Variants in MSRA observed in about 807,000 individuals in gnomAD.
MSRA encodes mitochondrial peptide methionine sulfoxide reductase.
In MSRA, 54 loss-of-function variants were observed where a neutral mutation model predicts 31.3. The ratio of observed to expected loss-of-function variants is 1.73; its 90% confidence interval spans 1.39 to 2.17. The LOEUF is 2.17. MSRA is among the 30% of genes most tolerant of loss of function. The probability of loss-of-function intolerance (pLI) is 0.00; values close to 1 mark genes in which losing one functional copy is unlikely to be tolerated. For synonymous variants in MSRA, 169 were observed against 116.5 expected (o/e 1.45, Z -2.90); for missense variants, 507 against 300.9 (o/e 1.69, Z -5.07).
chr8:10,238,098 C>G (rs969906970), intron 2 of MSRA, among the ~76,000 whole-genome samples: 3 of 152,210 alleles, frequency 2.0e-5, no homozygotes, highest in African/African-American at 7.2e-5. Flanking sequence ...TGTCCTGCTA[C>G]TTCCTCCTTG....
chr8:10,255,455 C>T (rs1210474044), intron 3 of MSRA, among the ~76,000 whole-genome samples: 1 of 152,182 alleles, frequency 6.6e-6, no homozygotes, highest in African/African-American at 2.4e-5. Flanking sequence ...CAGCCTGATT[C>T]CCTGAGTGAA....
chr8:10,224,191 G>T (rs13278458), intron 2 of MSRA, among the ~76,000 whole-genome samples: 70,399 of 152,016 alleles, frequency 0.46, 20,302 homozygotes, highest in Non-Finnish European at 0.63. Context: ...TCTTTTTGTG[G>T]TTATCTGGTG....
At position 10,148,833 on chromosome 8, in the gene MSRA, A is replaced by G. The variant is rs867603672; in HGVS notation, c.143-59000A>G. ...AAAAAAAAAGGAAACTCTGTCTCAA[A>G]AAAAAAAAAAATCATAACTTGTTGA... On this transcript the variant is annotated intron_variant, in intron 1 of 5. Transcript: ENST00000317173. Among the ~76,000 whole-genome samples, 176 of 146,226 alleles carry G rather than the reference A, an allele frequency of 1.2e-3. 3 individuals are homozygous for G. Among genetic ancestry groups the G allele is most frequent in the African/African-American group, 4.0e-3 (164 of 40,780 alleles).
chr8:10,392,427 G>A (rs1351239841), intron 5 of MSRA, among the ~76,000 whole-genome samples: 9 of 152,260 alleles, frequency 5.9e-5, no homozygotes, highest in Non-Finnish European at 2.9e-5. Context: ...TCAAGGCTGG[G>A]CACTGAGTCC....
At chr8:10,056,624 AT>A (rs1190260703) in intron 1 of MSRA, among the ~76,000 whole-genome samples, 1 of 151,212 alleles carries the variant, frequency 6.6e-6, no homozygotes, top group East Asian at 1.9e-4. Flanking sequence ...TGAAATTTAG[AT>A]TGTGGACGTT....
intron 1 of MSRA, among the ~76,000 whole-genome samples, chr8:10,106,167 C>A (rs1316257928): frequency 6.6e-6 from 1 of 152,140 alleles, no homozygotes; most frequent in East Asian, 1.9e-4. Context: ...GGCTTGCAAA[C>A]CCAAACGTGG....
At chr8:10,344,427 A>T (rs1403641169) in intron 5 of MSRA, among the ~76,000 whole-genome samples, 3 of 151,872 alleles carry the variant, frequency 2.0e-5, no homozygotes, top group African/African-American at 7.3e-5. Context: ...TACAAAAATT[A>T]GACAGGCGTG....
intron 5 of MSRA, among the ~76,000 whole-genome samples, chr8:10,390,234 C>G (rs981130053): frequency 6.6e-6 from 1 of 152,108 alleles, no homozygotes; most frequent in Non-Finnish European, 1.5e-5. Flanking sequence ...ATGGGGCCTC[C>G]GTGGGGCAGG....
chr8:10,250,899 T>TA (rs145775386), intron 3 of MSRA: 46,866 of 154,118 alleles, frequency 0.3, 7,308 homozygotes, highest in Admixed American at 0.38. Flanking sequence ...ATGATAAAAA[T>TA]AAAAAAAATT....
intron 5 of MSRA, among the ~76,000 whole-genome samples, chr8:10,338,813 C>T (rs142145292): frequency 6.6e-6 from 1 of 152,146 alleles, no homozygotes; most frequent in African/African-American, 2.4e-5. Context: ...AATTTCCTAA[C>T]CTGCAAAACT....
intron 5 of MSRA, among the ~76,000 whole-genome samples, chr8:10,340,282 G>T (rs1265302398): frequency 6.6e-6 from 1 of 151,890 alleles, no homozygotes; most frequent in East Asian, 1.9e-4. Flanking sequence ...TACCACCAGG[G>T]TATTGAACTA....
intron 2 of MSRA, among the ~76,000 whole-genome samples, chr8:10,242,608 T>C (rs1352465453): frequency 6.6e-6 from 1 of 152,184 alleles, no homozygotes; most frequent in Non-Finnish European, 1.5e-5. Context: ...AAAATAAGTA[T>C]TTAAAGAAAA....
chr8:10,104,726 T>C (rs1799767199), intron 1 of MSRA, among the ~76,000 whole-genome samples: 1 of 152,168 alleles, frequency 6.6e-6, no homozygotes, highest in African/African-American at 2.4e-5. Flanking sequence ...TTTTCCTGAA[T>C]TCCAAAAGGG....
chr8:10,079,499 G>A (rs1050638620), intron 1 of MSRA, among the ~76,000 whole-genome samples: 27 of 152,120 alleles, frequency 1.8e-4, no homozygotes, highest in African/African-American at 5.8e-4. Context: ...CAGGAACATC[G>A]CAGCTTACTG....
intron 3 of MSRA, among the ~76,000 whole-genome samples, chr8:10,297,714 CA>C (rs1329966246): frequency 2.0e-5 from 3 of 152,150 alleles, no homozygotes; most frequent in African/African-American, 7.2e-5. Context: ...TTTGTCAAGG[CA>C]AATGAATCTT....
At chr8:10,232,747 T>A (rs1016731524) in intron 2 of MSRA, among the ~76,000 whole-genome samples, 4 of 152,154 alleles carry the variant, frequency 2.6e-5, no homozygotes, top group Admixed American at 1.3e-4. Flanking sequence ...CAGATTAAAA[T>A]TGTGAGTAGA....
At chr8:10,126,747 C>G (rs769777191) in intron 1 of MSRA, among the ~76,000 whole-genome samples, 1 of 152,214 alleles carries the variant, frequency 6.6e-6, no homozygotes, top group Non-Finnish European at 1.5e-5. Flanking sequence ...CTCCTGAGCT[C>G]AAGTGATCCA....
At chr8:10,383,344 G>A (rs1054268425) in intron 5 of MSRA, among the ~76,000 whole-genome samples, 6 of 152,154 alleles carry the variant, frequency 3.9e-5, no homozygotes, top group East Asian at 1.9e-4. Flanking sequence ...AAGAGGTTCC[G>A]GTTCACCTCG....
chr8:10,122,017 T>C (rs931084005), intron 1 of MSRA, among the ~76,000 whole-genome samples: 2 of 152,058 alleles, frequency 1.3e-5, no homozygotes, highest in Admixed American at 6.6e-5. Flanking sequence ...GTTGTGCCTT[T>C]GGCCACACGC....
Sources: allele counts gnomAD v4.1 joint callset (sites outside exome capture counted in the v4.1 genomes callset), GRCh38; gene constraint gnomAD v4.1.1; transcripts MANE v1.5; gene names NCBI Gene and HGNC (gene_info 2026-07-23, HGNC 2026-07-21).